PTPRD: variants seen among roughly 807,000 people sequenced by gnomAD.
The protein encoded by PTPRD is protein tyrosine phosphatase receptor type D.
Under a neutral mutation model 214.5 loss-of-function variants are expected in PTPRD, and 34 were observed. The ratio of observed to expected loss-of-function variants is 0.16; its 90% CI spans 0.12 to 0.21. The LOEUF is 0.21. Among genes scored for constraint, PTPRD ranks in the 10% least tolerant of loss-of-function variants. PTPRD has a pLI of 1.00. For missense variants in PTPRD, 2,545 were observed against 2,398.7 expected, an observed-to-expected ratio of 1.06 and a Z score of -1.27; for synonymous variants, 1,128 against 845.7, an observed-to-expected ratio of 1.33 and a Z score of -5.79.
At chr9:9,137,133 G>A (rs1390754305) in intron 10 of PTPRD, among the ~76,000 whole-genome samples, 1 of 152,106 alleles carries the variant, frequency 6.6e-6, no homozygotes, top group African/African-American at 2.4e-5. Flanking sequence ...CACTGTTTCT[G>A]GAATGCAGAA....
At chr9:10,018,705 G>T (rs528220932) in intron 4 of PTPRD, among the ~76,000 whole-genome samples, 3 of 149,646 alleles carry the variant, frequency 2.0e-5, no homozygotes, top group African/African-American at 7.3e-5. Context: ...CCGCCACTAC[G>T]CCCGGCTAAT....
chr9:8,631,038 G>A (rs966351781), intron 14 of PTPRD, among the ~76,000 whole-genome samples: 1 of 151,836 alleles, frequency 6.6e-6, no homozygotes, highest in South Asian at 2.1e-4. Flanking sequence ...AATAAATGGA[G>A]ATTAAAATTT....
intron 3 of PTPRD, among the ~76,000 whole-genome samples, chr9:10,210,472 A>C (rs939673185): frequency 4.6e-5 from 7 of 151,962 alleles, no homozygotes; most frequent in African/African-American, 7.2e-5. Flanking sequence ...TTAGAAGACA[A>C]CACCAATATT....
At chr9:10,248,097 C>T (rs2092368286) in intron 3 of PTPRD, among the ~76,000 whole-genome samples, 2 of 152,066 alleles carry the variant, frequency 1.3e-5, no homozygotes, top group African/African-American at 4.8e-5. Flanking sequence ...ATTAGGAGAC[C>T]TCCCCAGCCA....
chr9:10,378,599 A>G (rs1470266175), intron 2 of PTPRD, among the ~76,000 whole-genome samples: 1 of 151,900 alleles, frequency 6.6e-6, no homozygotes, highest in African/African-American at 2.4e-5. Flanking sequence ...ATGTTATTGG[A>G]ACCTATATCA....
intron 3 of PTPRD, among the ~76,000 whole-genome samples, chr9:10,217,371 G>C (rs1026509266): frequency 6.6e-6 from 1 of 151,550 alleles, no homozygotes; most frequent in Non-Finnish European, 1.5e-5. Flanking sequence ...ACCCAACTCA[G>C]CCTCCCCCTC....
chr9:10,241,056 C>A lies in PTPRD; in HGVS notation c.-545+99907G>T, dbSNP rs143280689. Among the ~76,000 whole-genome samples the A allele has an allele frequency of 5.8e-3, 875 of 150,704 alleles. 9 individuals are homozygous for A. Among genetic ancestry groups the A allele is most frequent in the African/African-American group, 0.02 (820 of 41,276 alleles). On this transcript the variant is annotated intron_variant, in intron 3 of 45. Transcript: ENST00000381196. ...ACAAAAGATTTGAACAGACATTTCA[C>A]CAAAAATATCTATATGGATTACAAA...
At chr9:9,481,884 T>C (rs895892779) in intron 8 of PTPRD, among the ~76,000 whole-genome samples, 2 of 152,208 alleles carry the variant, frequency 1.3e-5, no homozygotes, top group African/African-American at 4.8e-5. Flanking sequence ...TTTTAGTCAG[T>C]TTTTATTGCA....
intron 9 of PTPRD, among the ~76,000 whole-genome samples, chr9:9,245,561 T>G (rs941514097): frequency 6.6e-6 from 1 of 151,798 alleles, no homozygotes; most frequent in Admixed American, 6.6e-5. Flanking sequence ...TAGGTGGGAA[T>G]TGAACAATGA....
At chr9:8,944,595 T>C (rs556828669) in intron 11 of PTPRD, among the ~76,000 whole-genome samples, 120 of 152,066 alleles carry the variant, frequency 7.9e-4, no homozygotes, top group Non-Finnish European at 1.5e-3. Context: ...GATCCTGTCA[T>C]TTGCAACAAG....
chr9:10,118,294 A>T (rs1400874518), intron 3 of PTPRD, among the ~76,000 whole-genome samples: 1 of 151,652 alleles, frequency 6.6e-6, no homozygotes, highest in Non-Finnish European at 1.5e-5. Context: ...TATCTATAGA[A>T]ACATTTATTA....
At chr9:10,027,996 G>A (rs184122142) in intron 4 of PTPRD, among the ~76,000 whole-genome samples, 92 of 152,216 alleles carry the variant, frequency 6.0e-4, no homozygotes, top group South Asian at 4.4e-3. Context: ...CCATTGATGG[G>A]TCATATGGTT....
intron 8 of PTPRD, among the ~76,000 whole-genome samples, chr9:9,501,681 C>A (rs948404103): frequency 6.6e-6 from 1 of 151,836 alleles, no homozygotes; most frequent in East Asian, 1.9e-4. Context: ...AAACTATACA[C>A]CTTACAAAAG....
chr9:10,398,026 C>T (rs2098203998), intron 2 of PTPRD, among the ~76,000 whole-genome samples: 1 of 151,522 alleles, frequency 6.6e-6, no homozygotes, highest in African/African-American at 2.4e-5. Flanking sequence ...TACCATCTCT[C>T]AAATCAAAAC....
intron 10 of PTPRD, among the ~76,000 whole-genome samples, chr9:9,080,469 C>A (rs1206198083): frequency 1.3e-5 from 2 of 152,094 alleles, no homozygotes; most frequent in African/African-American, 4.8e-5. Flanking sequence ...AGACCCTTTA[C>A]AACTTTAGAA....
At chr9:9,734,747 G>C (rs1354770567) in intron 6 of PTPRD, among the ~76,000 whole-genome samples, 176 bp from the exon 7 acceptor site, 2 of 152,030 alleles carry the variant, frequency 1.3e-5, no homozygotes, top group Non-Finnish European at 2.9e-5. Context: ...TTAAACTGAA[G>C]TGTTTAACTT....
At chr9:10,488,366 CA>C (rs59842348) in intron 2 of PTPRD, among the ~76,000 whole-genome samples, 22,948 of 68,430 alleles carry the variant, frequency 0.34, 1,961 homozygotes, top group African/African-American at 0.44. Context: ...GACTCTGTCT[CA>C]AAAAAAAAAA....
intron 6 of PTPRD, among the ~76,000 whole-genome samples, chr9:9,763,010 T>A (rs2098673455): frequency 6.6e-6 from 1 of 152,196 alleles, no homozygotes; most frequent in African/African-American, 2.4e-5. Context: ...GTTCACATGA[T>A]CTCTCCTTTG....
At position 9,480,964 on chromosome 9, in the gene PTPRD, G is replaced by C. The variant is rs534892376; in HGVS notation, c.-236-83482C>G. Among the ~76,000 whole-genome samples, 65 of 152,176 alleles carry C rather than the reference G, an allele frequency of 4.3e-4. 1 individual carries two copies. In the East Asian group the frequency reaches 4.6e-3, roughly 11 times the overall value. Reference sequence around the variant, plus strand: ...CCACTACCTGGGTCAACTTGGATAAGTTATTCTGTTTCTCTGGGCCCTACG... The same window carrying C: ...CCACTACCTGGGTCAACTTGGATAACTTATTCTGTTTCTCTGGGCCCTACG... On this transcript the variant is annotated intron_variant, in intron 8 of 45. Transcript: ENST00000381196.
Sources: gnomAD v4.1 joint callset for allele counts (sites outside exome capture counted in the v4.1 genomes callset) on GRCh38, gnomAD v4.1.1 for gene constraint, MANE v1.5 for transcripts, NCBI Gene and HGNC (gene_info 2026-07-23, HGNC 2026-07-21) for gene names.